ESRRG: variants seen among roughly 807,000 people sequenced by gnomAD.
ESRRG encodes the protein estrogen-related receptor gamma.
Under a neutral mutation model 44.0 loss-of-function variants are expected in ESRRG, and 13 were observed. The ratio of observed to expected loss-of-function variants is 0.30; its 90% CI spans 0.19 to 0.47. ESRRG has a LOEUF of 0.47. ESRRG is among the 20% of genes least tolerant of loss of function. The pLI, the probability that ESRRG is intolerant of heterozygous loss-of-function variation, is 1.00. For missense variants in ESRRG, 395 were observed against 580.6 expected (o/e 0.68, Z 3.29); for synonymous variants, 215 against 214.6 (o/e 1.00, Z -0.02).
At chr1:216,821,497 G>A (rs1450255658) in intron 2 of ESRRG, among the ~76,000 whole-genome samples, 1 of 151,490 alleles carries the variant, frequency 6.6e-6, no homozygotes, top group African/African-American at 2.4e-5. Context: ...AGCAGCCTTG[G>A]CAACATAGTG....
intron 2 of ESRRG, among the ~76,000 whole-genome samples, chr1:216,778,666 G>A (rs565572337): frequency 6.6e-6 from 1 of 152,010 alleles, no homozygotes; most frequent in Admixed American, 6.6e-5. Flanking sequence ...CGCAGGAGGA[G>A]CCATACTTTT....
At chr1:216,836,093 CAAAAAAA>C (rs34241468) in intron 2 of ESRRG, among the ~76,000 whole-genome samples, 17 of 97,788 alleles carry the variant, frequency 1.7e-4, no homozygotes, top group East Asian at 3.4e-4. Context: ...GCTGCGATTT[CAAAAAAA>C]AAAAAAAAAA....
chr1:216,784,169 T>TA (rs1022346300), intron 2 of ESRRG, among the ~76,000 whole-genome samples: 9 of 151,742 alleles, frequency 5.9e-5, no homozygotes, highest in Non-Finnish European at 1.0e-4. Context: ...TCTTTTTTTT[T>TA]ATGTCTTATT....
intron 2 of ESRRG, among the ~76,000 whole-genome samples, chr1:216,652,158 C>T (rs1360641006): frequency 6.6e-6 from 1 of 152,156 alleles, no homozygotes; most frequent in Non-Finnish European, 1.5e-5. Context: ...AAATTCTCAT[C>T]AGAGACGGTC....
intron 2 of ESRRG, among the ~76,000 whole-genome samples, chr1:216,895,409 A>C (rs2058304438): frequency 6.6e-6 from 1 of 152,156 alleles, no homozygotes; most frequent in Non-Finnish European, 1.5e-5. Flanking sequence ...ATCCAAAACT[A>C]AAGGGCCAAT....
At chr1:216,882,638 G>T (rs551444869) in intron 2 of ESRRG, among the ~76,000 whole-genome samples, 1 of 152,236 alleles carries the variant, frequency 6.6e-6, no homozygotes, top group South Asian at 2.1e-4. Flanking sequence ...GAGAAGTTAG[G>T]ATTTCAACTG....
chr1:216,842,956 T>C (rs2095675881), intron 2 of ESRRG, among the ~76,000 whole-genome samples: 1 of 152,146 alleles, frequency 6.6e-6, no homozygotes. Flanking sequence ...CTATGAGATA[T>C]ATATCATCAA....
chr1:216,776,896 A>T, intron 2 of ESRRG, among the ~76,000 whole-genome samples: 1 of 152,250 alleles, frequency 6.6e-6, no homozygotes, highest in South Asian at 2.1e-4. Flanking sequence ...ACACCTTCAC[A>T]ACCATTGGGT....
intron 2 of ESRRG, among the ~76,000 whole-genome samples, chr1:216,736,979 T>G (rs2090030726): frequency 1.3e-5 from 2 of 152,204 alleles, no homozygotes; most frequent in Admixed American, 1.3e-4. Context: ...TCATATATTC[T>G]CCACCCCCAG....
intron 3 of ESRRG, 27 bp downstream of exon 3, chr1:216,650,946 C>T (rs1161967703): frequency 2.1e-6 from 3 of 1,450,714 alleles, no homozygotes; most frequent in Non-Finnish European, 1.9e-6. Context: ...AAATCAAAAC[C>T]TCAGGGGCAC....
chr1:216,832,509 G>C (rs1229812332), intron 2 of ESRRG, among the ~76,000 whole-genome samples: 1 of 152,158 alleles, frequency 6.6e-6, no homozygotes, highest in Non-Finnish European at 1.5e-5. Context: ...AACTGCCTGA[G>C]GAGCATCTTA....
intron 1 of ESRRG, among the ~76,000 whole-genome samples, chr1:217,066,603 A>G (rs1580328205): frequency 6.6e-6 from 1 of 152,188 alleles, no homozygotes; most frequent in East Asian, 1.9e-4. Context: ...TATTTAAGCT[A>G]CCTACTTTCT....
intron 5 of ESRRG, among the ~76,000 whole-genome samples, chr1:216,536,673 T>G (rs1362701420): frequency 6.6e-6 from 1 of 152,122 alleles, no homozygotes; most frequent in Non-Finnish European, 1.5e-5. Flanking sequence ...CTTCATTTTT[T>G]GGTAAGAATG....
chr1:217,128,072 G>T (rs1397831191), intron 1 of ESRRG, among the ~76,000 whole-genome samples: 2 of 152,112 alleles, frequency 1.3e-5, no homozygotes, highest in Non-Finnish European at 2.9e-5. Context: ...GTATCCAGGG[G>T]TTTGCCCATT....
At chr1:216,627,531 C>G (rs1223749974) in intron 3 of ESRRG, among the ~76,000 whole-genome samples, 1 of 152,134 alleles carries the variant, frequency 6.6e-6, no homozygotes, top group Non-Finnish European at 1.5e-5. Context: ...TGCGCAGGGT[C>G]AAGATATAAA....
intron 2 of ESRRG, among the ~76,000 whole-genome samples, chr1:216,729,301 C>T (rs573614959): frequency 6.6e-6 from 1 of 152,258 alleles, no homozygotes; most frequent in South Asian, 2.1e-4. Context: ...TCAATAGTGC[C>T]CCCGTTTGGA....
intron 5 of ESRRG, among the ~76,000 whole-genome samples, chr1:216,526,275 T>G (rs1283842701): frequency 6.6e-6 from 1 of 152,076 alleles, no homozygotes; most frequent in Admixed American, 6.6e-5. Flanking sequence ...ATGACCTTAT[T>G]TGGAAATAGG....
chr1:216,678,343 TG>T (rs2076463045), intron 1 of ESRRG, among the ~76,000 whole-genome samples: 1 of 152,254 alleles, frequency 6.6e-6, no homozygotes, highest in African/African-American at 2.4e-5. Context: ...TCAGTATACC[TG>T]TAAGTCCACA....
chr1:217,020,435 G>T (rs772345335), intron 1 of ESRRG, among the ~76,000 whole-genome samples: 1 of 152,284 alleles, frequency 6.6e-6, no homozygotes, highest in South Asian at 2.1e-4. Context: ...GACTTGAAAG[G>T]TAACTTATGC....
Sources: gnomAD v4.1 joint callset for allele counts (sites outside exome capture counted in the v4.1 genomes callset) on GRCh38, gnomAD v4.1.1 for gene constraint, MANE v1.5 for transcripts, NCBI Gene and HGNC (gene_info 2026-07-23, HGNC 2026-07-21) for gene names.